Variants in DTX3L observed in about 807,000 individuals in gnomAD.
DTX3L encodes the protein deltex E3 ubiquitin ligase 3L, also known as E3 ubiquitin-protein ligase DTX3L.
A neutral mutation model predicts 60.9 loss-of-function variants in DTX3L; 34 were observed. That is an observed-to-expected ratio of 0.56 (90% confidence interval 0.42 to 0.74). The LOEUF (loss-of-function observed/expected upper bound fraction) is 0.74, where lower values mean the gene tolerates loss of function less well. DTX3L is among the 30% of genes least tolerant of loss of function. The pLI, the probability that DTX3L is intolerant of heterozygous loss-of-function variation, is 0.00. For missense variants in DTX3L, 810 were observed against 874.0 expected, an observed-to-expected ratio of 0.93 and a Z score of 0.92; for synonymous variants, 290 against 316.6, an observed-to-expected ratio of 0.92 and a Z score of 0.89.
chr3:122,570,833 C>A (rs1292976509), intron 4 of DTX3L, among the ~76,000 whole-genome samples, 161 bp downstream of exon 4: 1 of 151,986 alleles, frequency 6.6e-6, no homozygotes, highest in Admixed American at 6.6e-5. Flanking sequence ...AAGATTGGTC[C>A]CCATCAACTT....
At position 122,570,652 on chromosome 3, in the gene DTX3L, C is replaced by A; in HGVS notation, c.2133C>A (p.Ser711=). 1 of 1,614,102 alleles carries A rather than the reference C, an allele frequency of 6.2e-7. No homozygotes were observed. Among genetic ancestry groups the A allele is most frequent in the Non-Finnish European group, 8.5e-7 (1 of 1,180,014 alleles). The change falls in exon 4 of 5, where the codon TCC becomes TCA. Residue 711 remains serine, a synonymous_variant. Transcript: ENST00000296161. The part of the protein sequence containing the change: ...ITWNDIHHKT[S]RFGGPEMYGY... ...GGAATGATATTCACCACAAAACATC[C>A]CGGTTTGGAGGACCAGAAATGTGAG...
Position 122,568,933 on chromosome 3 carries a change from A to G in DTX3L, c.844A>G (p.Ser282Gly). The G allele has an allele frequency of 6.2e-7, 1 of 1,614,122 alleles. No homozygotes were observed. The highest frequency in any genetic ancestry group is 8.5e-7 in the Non-Finnish European group (1 of 1,180,030). The change falls in exon 3 of 5, where the codon AGT (serine) becomes GGT (glycine). Residue 282 changes from serine to glycine, a missense_variant. Ser to Gly is a moderately conservative substitution (Grantham distance 56). Coordinates refer to ENST00000296161, the MANE Select transcript of DTX3L (RefSeq NM_138287.3). The part of the protein sequence containing the change: ...PNMVCLDFTS[S>G]RSGDLEAARE... ...TATGGTCTGTTTAGATTTCACCTCA[A>G]GTCGATCAGGTGACCTGGAAGCAGC... is the stretch of plus-strand genomic sequence containing the variant.
At chr3:122,570,974 A>G (rs1161950716) in intron 4 of DTX3L, among the ~76,000 whole-genome samples, 2 of 152,194 alleles carry the variant, frequency 1.3e-5, no homozygotes, top group Non-Finnish European at 2.9e-5. Context: ...TGAAGGCTAG[A>G]TGCTCGGAAT....
At position 122,564,355 on chromosome 3, in the gene DTX3L, C is replaced by G; in HGVS notation, c.-72C>G. 6.7e-7 allele frequency: 1 copy of G among 1,497,036 alleles called. No individual in the cohort carries two copies. Among genetic ancestry groups the G allele is most frequent in the East Asian group, 2.4e-5 (1 of 41,296 alleles). The allele number at this position is 1,497,036 out of a possible 1,614,324, so 92.7% of individuals were successfully genotyped here. A position where few individuals can be genotyped will look rare whatever the true frequency, so the allele number is the denominator to read the frequency against. Reference sequence around the variant, plus strand: ...GCGAAACTGAAACTTTGCGCCCAGTCCGCAGGGCGGGCCGCGCCTTTACCG... The same window carrying G: ...GCGAAACTGAAACTTTGCGCCCAGTGCGCAGGGCGGGCCGCGCCTTTACCG... On this transcript the variant is annotated 5_prime_UTR_variant, in exon 1 of 5. Coordinates refer to ENST00000296161, the MANE Select transcript of DTX3L (RefSeq NM_138287.3).
rs1463958316 is a variant in DTX3L, at chr3:122,572,104, A to G, written c.*357A>G. On this transcript the variant is annotated 3_prime_UTR_variant, in exon 5 of 5. Transcript: ENST00000296161. ...TTGTTTTTGTATTTTTAGTAGAGAC[A>G]GGGTTTCACTGTGTTAGCCAGGATG... 5 of 180,240 alleles carry G rather than the reference A, an allele frequency of 2.8e-5. No individual in the cohort carries two copies. The highest frequency in any genetic ancestry group is 1.2e-4 in the South Asian group (1 of 8,282). The allele number at this position is 180,240 out of a possible 1,614,324, so 11.2% of individuals were successfully genotyped here.
chr3:122,564,652 G>T (rs1426429100), intron 1 of DTX3L, 39 bp downstream of exon 1: 4 of 1,560,434 alleles, frequency 2.6e-6, no homozygotes, highest in Non-Finnish European at 2.6e-6. Flanking sequence ...GCCCTCTGGG[G>T]GCCCGGCCCC....
intron 2 of DTX3L, 77 bp from the exon 3 acceptor site, chr3:122,568,412 T>C (rs2080606170): frequency 4.2e-6 from 5 of 1,182,920 alleles, no homozygotes; most frequent in Non-Finnish European, 5.7e-6. Context: ...CTAGTCTCTA[T>C]GCATTCTCCT....
rs1559906800 is a variant in DTX3L at position 122,573,937 on chromosome 3, A to G, written c.*2190A>G. The G allele has an allele frequency of 6.6e-6, 1 of 151,708 alleles. No individual in the cohort carries two copies. The highest frequency in any genetic ancestry group is 1.5e-5 in the Non-Finnish European group (1 of 68,058). The allele number at this position is 151,708 out of a possible 1,614,324, so 9.4% of individuals were successfully genotyped here. On this transcript the variant is annotated 3_prime_UTR_variant, in exon 5 of 5. Transcript: ENST00000296161. Reference sequence around the variant, plus strand: ...ACTGCAGCCTCAACCTCCTGGGGCCAAGTGATCCTCCCACCTCAGCCTCTC... The same window carrying G: ...ACTGCAGCCTCAACCTCCTGGGGCCGAGTGATCCTCCCACCTCAGCCTCTC...
At chr3:122,571,171 C>A (rs1224728861) in intron 4 of DTX3L, among the ~76,000 whole-genome samples, 1 of 152,092 alleles carries the variant, frequency 6.6e-6, no homozygotes, top group Non-Finnish European at 1.5e-5. Context: ...ATTCCTCAGA[C>A]CCTTGGCACT....
rs1243558301 is a variant in DTX3L at position 122,569,689 on chromosome 3, G to A, written c.1600G>A (p.Asp534Asn). 6.2e-7 allele frequency: 1 copy of A among 1,614,064 alleles called. No individual in the cohort carries two copies. The highest frequency in any genetic ancestry group is 1.3e-5 in the African/African-American group (1 of 74,922). Reference sequence around the variant, plus strand: ...AACACCGATGGACATTGATAGCGATGATTCCAAAGCAGCTTCTCCGCCACT... The same window carrying A: ...AACACCGATGGACATTGATAGCGATAATTCCAAAGCAGCTTCTCCGCCACT... ...HETPMDIDSD[D>N]SKAASPPLKG... The change falls in exon 3 of 5, where the codon GAT becomes AAT. Residue 534 changes from aspartate to asparagine, a missense_variant. Coordinates refer to ENST00000296161, the MANE Select transcript of DTX3L (RefSeq NM_138287.3).
At chr3:122,567,065 A>G (rs757272294) in intron 2 of DTX3L, among the ~76,000 whole-genome samples, 3 of 152,128 alleles carry the variant, frequency 2.0e-5, no homozygotes, top group Non-Finnish European at 4.4e-5. Context: ...AAAGTCCCCA[A>G]GAGCTGACAT....
At chr3:122,567,324 ATAGAATGGAGAGT>A (rs2080599032) in intron 2 of DTX3L, among the ~76,000 whole-genome samples, 2 of 152,068 alleles carry the variant, frequency 1.3e-5, no homozygotes, top group Admixed American at 1.3e-4. Flanking sequence ...TAGAAAGGGG[ATAGAATGGAGAGT>A]TAGAGCCTGG....
chr3:122,571,520 G>A (rs373269482), intron 4 of DTX3L, among the ~76,000 whole-genome samples, 158 bp from the exon 5 acceptor site: 23 of 152,334 alleles, frequency 1.5e-4, no homozygotes, highest in Admixed American at 4.6e-4. Flanking sequence ...GAAATGACTC[G>A]CATCTGCGAA....
chr3:122,567,534 GGTCTCT>G (rs1375824254), intron 2 of DTX3L, among the ~76,000 whole-genome samples: 1 of 152,128 alleles, frequency 6.6e-6, no homozygotes, highest in Non-Finnish European at 1.5e-5. Context: ...ACAGTCAATT[GGTCTCT>G]GTCCTTTTTA....
chr3:122,570,888 C>T (rs2080640457), intron 4 of DTX3L, among the ~76,000 whole-genome samples: 1 of 152,160 alleles, frequency 6.6e-6, no homozygotes, highest in Non-Finnish European at 1.5e-5. Flanking sequence ...TTAAATTTTG[C>T]ACCAAAGGAC....
chr3:122,570,631 T>G lies in DTX3L; in HGVS notation c.2112T>G (p.Asn704Lys). ...GAGTCTCAGATGTCATCACTTGGAA[T>G]GATATTCACCACAAAACATCCCGGT... ...VLGVSDVITW[N>K]DIHHKTSRFG... The change falls in exon 4 of 5, where the codon AAT (asparagine) becomes AAG (lysine). Residue 704 changes from asparagine (N) to lysine (K), a missense_variant. Transcript: ENST00000296161. 1 of 1,614,170 alleles carries G rather than the reference T, an allele frequency of 6.2e-7. No homozygotes were observed. The highest frequency in any genetic ancestry group is 8.5e-7 in the Non-Finnish European group (1 of 1,180,020).
Position 122,570,685 on chromosome 3 carries a change from T to A in DTX3L, c.2153+13T>A, listed in dbSNP as rs1239054728. On this transcript the variant is annotated intron_variant, in intron 4 of 4. Coordinates refer to ENST00000296161, the MANE Select transcript of DTX3L (RefSeq NM_138287.3). ...GAGGACCAGAAATGTGAGATCCTTT[T>A]GGGATGTAATGGCTGCTCAACAGAG... 1 of 1,613,384 alleles carries A rather than the reference T, an allele frequency of 6.2e-7. No individual in the cohort carries two copies. Among genetic ancestry groups the A allele is most frequent in the East Asian group, 2.2e-5 (1 of 44,868 alleles).
At chr3:122,570,123 G>C (rs758161818) in intron 3 of DTX3L, 99 bp downstream of exon 3, 2 of 1,293,692 alleles carry the variant, frequency 1.5e-6, no homozygotes, top group Non-Finnish European at 2.2e-6. Context: ...GATTTCCCAA[G>C]GAATTATCTC....
intron 2 of DTX3L, 23 bp downstream of exon 2, chr3:122,566,093 G>A (rs770996852): frequency 6.2e-7 from 1 of 1,605,582 alleles, no homozygotes. Flanking sequence ...AGAAGGAGCT[G>A]GCTGTGCCTG....
Sources: allele counts gnomAD v4.1 joint callset (sites outside exome capture counted in the v4.1 genomes callset), GRCh38; gene constraint gnomAD v4.1.1; transcripts MANE v1.5; gene names NCBI Gene and HGNC (gene_info 2026-07-23, HGNC 2026-07-21).